FAAH2: variants seen among roughly 807,000 people sequenced by gnomAD.
FAAH2 encodes fatty acid amide hydrolase 2.
Under a neutral mutation model 36.9 loss-of-function variants are expected in FAAH2, and 60 were observed. That is an observed-to-expected ratio of 1.63 (90% confidence interval 1.32 to 2.02). The LOEUF (loss-of-function observed/expected upper bound fraction) is 2.02. Ranked by LOEUF, FAAH2 falls within the 30% of genes most tolerant of loss-of-function variation. FAAH2 has a pLI of 0.00. For missense variants in FAAH2, 689 were observed against 397.5 expected (o/e 1.73, Z -6.23); for synonymous variants, 214 against 143.8 (o/e 1.49, Z -3.49).
intron 5 of FAAH2, among the ~76,000 whole-genome samples, chrX:57,372,758 A>C (rs1835697): frequency 0.54 from 58,552 of 108,788 alleles, 14,318 homozygotes; most frequent in Non-Finnish European, 0.74. Flanking sequence ...TTTGGGGAAC[A>C]GGTGGTGTTT....
chrX:57,296,214 A>G (rs1271151859), intron 2 of FAAH2, among the ~76,000 whole-genome samples: 1 of 111,676 alleles, frequency 9.0e-6, no homozygotes, highest in Non-Finnish European at 1.9e-5. Flanking sequence ...GTAGGGCCAG[A>G]CTGACACCTC....
intron 3 of FAAH2, among the ~76,000 whole-genome samples, chrX:57,325,415 T>C (rs1266218114): frequency 8.9e-6 from 1 of 111,791 alleles, no homozygotes; most frequent in African/African-American, 3.3e-5. Flanking sequence ...GAAGGAGTGG[T>C]ACCAGCTCCT....
intron 10 of FAAH2, among the ~76,000 whole-genome samples, chrX:57,471,672 G>T (rs1030168622): frequency 9.0e-6 from 1 of 111,557 alleles, no homozygotes. Context: ...ACTGCCCAAG[G>T]TAATTTATAG....
At chrX:57,306,566 C>T (rs143987267) in intron 2 of FAAH2, among the ~76,000 whole-genome samples, 1,265 of 107,704 alleles carry the variant, frequency 0.012, 56 homozygotes, top group Admixed American at 0.1. Flanking sequence ...ATTTAAGAGC[C>T]CTGCCATTAA....
intron 5 of FAAH2, among the ~76,000 whole-genome samples, chrX:57,349,743 G>A (rs1358700099): frequency 1.9e-5 from 2 of 107,755 alleles, no homozygotes; most frequent in South Asian, 4.0e-4. Flanking sequence ...AAAAACCAAG[G>A]CCTCCAAGAT....
At chrX:57,236,875 C>T in the FAAH2 span, among the ~76,000 whole-genome samples, 3 of 106,496 alleles carry the variant, frequency 2.8e-5, no homozygotes, top group African/African-American at 1.1e-4. Context: ...TCCCATCTGT[C>T]TATTTTTGTT....
chrX:57,304,434 C>A (rs1333468609), intron 2 of FAAH2, among the ~76,000 whole-genome samples: 1 of 111,651 alleles, frequency 9.0e-6, no homozygotes, highest in Non-Finnish European at 1.9e-5. Context: ...AGTCTTTTGC[C>A]TTGGACATCC....
At chrX:57,326,408 C>T (rs2053218368) in intron 3 of FAAH2, among the ~76,000 whole-genome samples, 1 of 114,491 alleles carries the variant, frequency 8.7e-6, no homozygotes, top group Non-Finnish European at 1.9e-5. Flanking sequence ...AACTTTCTGT[C>T]TCGTTGATCT....
the FAAH2 span, among the ~76,000 whole-genome samples, chrX:57,137,844 C>A: frequency 1.1e-4 from 12 of 111,415 alleles, no homozygotes; most frequent in African/African-American, 3.9e-4. Flanking sequence ...GAATCCTTTA[C>A]GACCATATGC....
chrX:57,216,151 G>A, the FAAH2 span, among the ~76,000 whole-genome samples: 2 of 106,719 alleles, frequency 1.9e-5, no homozygotes, highest in Non-Finnish European at 3.9e-5. Context: ...AAGTTATTGG[G>A]GTACAGGTGG....
At chrX:57,286,618 CA>C, upstream of FAAH2, 1 of 333,772 alleles carries the variant, frequency 3.0e-6, no homozygotes, top group Non-Finnish European at 5.2e-6. Flanking sequence ...TAGCATTGCA[CA>C]CAGGCAGCTG....
At chrX:57,254,985 C>A in the FAAH2 span, among the ~76,000 whole-genome samples, 26 of 111,284 alleles carry the variant, frequency 2.3e-4, no homozygotes, top group African/African-American at 8.5e-4. Context: ...AATCCAGGAG[C>A]TGGTTTTTTG....
intron 7 of FAAH2, chrX:57,392,710 G>A (rs2055195320): frequency 1.6e-6 from 1 of 616,005 alleles, no homozygotes; most frequent in Non-Finnish European, 2.8e-6. Context: ...GGGCTGGGTG[G>A]GGAGTCCATT....
chrX:57,417,594 C>A (rs1027722926), intron 7 of FAAH2, among the ~76,000 whole-genome samples: 2 of 112,029 alleles, frequency 1.8e-5, no homozygotes, highest in African/African-American at 6.5e-5. Context: ...CTGTTTCTTT[C>A]CCTGGAAGCT....
the FAAH2 span, among the ~76,000 whole-genome samples, chrX:57,247,764 A>G: frequency 8.9e-6 from 1 of 112,076 alleles, no homozygotes; most frequent in Non-Finnish European, 1.9e-5. Flanking sequence ...GCCAGGACAA[A>G]ATCAGATGAC....
At chrX:57,299,171 A>G in intron 2 of FAAH2, among the ~76,000 whole-genome samples, 1 of 112,020 alleles carries the variant, frequency 8.9e-6, no homozygotes, top group Non-Finnish European at 1.9e-5. Context: ...ATTTTAGACC[A>G]ATATCCTTGA....
chrX:57,123,093 G>C, the FAAH2 span, among the ~76,000 whole-genome samples: 1 of 110,997 alleles, frequency 9.0e-6, no homozygotes, highest in East Asian at 2.8e-4. Flanking sequence ...ATGTTGGTGT[G>C]CTGCACCCAT....
the FAAH2 span, among the ~76,000 whole-genome samples, chrX:57,147,610 G>A: frequency 2.7e-5 from 3 of 111,554 alleles, no homozygotes; most frequent in Non-Finnish European, 5.7e-5. Flanking sequence ...TTTGGTTTTG[G>A]TTTGTTTTTG....
intron 3 of FAAH2, among the ~76,000 whole-genome samples, chrX:57,321,543 T>TA (rs58567475): frequency 9.1e-6 from 1 of 110,367 alleles, no homozygotes; most frequent in African/African-American, 3.3e-5. Flanking sequence ...ATTTTTTAAT[T>TA]AAAAAAATAG....
Sources: allele counts gnomAD v4.1 joint callset (sites outside exome capture counted in the v4.1 genomes callset), GRCh38; gene constraint gnomAD v4.1.1; transcripts MANE v1.5; gene names NCBI Gene and HGNC (gene_info 2026-07-23, HGNC 2026-07-21).